SLC14A2: variants seen among roughly 807,000 people sequenced by gnomAD.
SLC14A2 encodes urea transporter 2.
Under a neutral mutation model 104.6 loss-of-function variants are expected in SLC14A2, and 91 were observed. The observed-to-expected ratio is 0.87, with a 90% confidence interval of 0.73 to 1.04. The LOEUF (loss-of-function observed/expected upper bound fraction) is 1.04, where lower values mean the gene tolerates loss of function less well. Among genes scored for constraint, SLC14A2 ranks in the 50% least tolerant of loss-of-function variants. The pLI is 0.00. For synonymous variants in SLC14A2, 476 were observed against 466.4 expected (o/e 1.02, Z -0.27); for missense variants, 1,189 against 1,156.0 (o/e 1.03, Z -0.41).
rs1895077 is a variant in SLC14A2, at chr18:45,443,765, G to T, written c.-124-39468G>T. Among the ~76,000 whole-genome samples the T allele has an allele frequency of 2.9e-3, 439 of 152,168 alleles. 1 individual carries two copies. Among genetic ancestry groups the T allele is most frequent in the Non-Finnish European group, 5.4e-3 (365 of 67,984 alleles). On this transcript the variant is annotated intron_variant, in intron 1 of 20. Coordinates refer to the SLC14A2 transcript ENST00000586448. ...CTTTTGCTTCTGAGGGATTTGTTTT[G>T]GGGTATGTTTTTCTGAGACCCTACA...
At chr18:45,474,016 T>C (rs1315094751) in intron 1 of SLC14A2, among the ~76,000 whole-genome samples, 3 of 152,252 alleles carry the variant, frequency 2.0e-5, no homozygotes, top group Non-Finnish European at 2.9e-5. Flanking sequence ...CTGTGGGTTT[T>C]TCATAAACAG....
intron 19 of SLC14A2, 41 bp from the exon 20 acceptor site, chr18:45,682,278 A>G: frequency 2.5e-6 from 4 of 1,581,390 alleles, no homozygotes; most frequent in Non-Finnish European, 3.5e-6. Context: ...ATGCACAGGC[A>G]CCTGATGTGA....
intron 10 of SLC14A2, among the ~76,000 whole-genome samples, chr18:45,652,840 G>T (rs1217724730): frequency 6.6e-6 from 1 of 152,128 alleles, no homozygotes; most frequent in Non-Finnish European, 1.5e-5. Context: ...TCTAGTGTTT[G>T]TGACAGATAC....
At chr18:45,402,517 C>T (rs1043340229) in intron 1 of SLC14A2, among the ~76,000 whole-genome samples, 1 of 152,212 alleles carries the variant, frequency 6.6e-6, no homozygotes, top group African/African-American at 2.4e-5. Flanking sequence ...AAGTGGGCCA[C>T]TTCTAGATAA....
rs546717100 is a variant in SLC14A2, at chr18:45,380,216, C to T, written c.-124-103017C>T. ...GAACCAGGGGCTAAATATCATAAGACCAACCATTACTAATTGTGTGACCAT... is the reference window on the plus strand; with the variant it reads ...GAACCAGGGGCTAAATATCATAAGATCAACCATTACTAATTGTGTGACCAT... On this transcript the variant is annotated intron_variant, in intron 1 of 20. Transcript: ENST00000586448. Among the ~76,000 whole-genome samples the T allele has an allele frequency of 3.3e-5, 5 of 152,238 alleles. No homozygotes were observed. The East Asian group carries it at 9.6e-4, about 29-fold the overall frequency.
upstream of SLC14A2, among the ~76,000 whole-genome samples, chr18:45,211,147 G>T (rs2083958028): frequency 6.6e-6 from 1 of 152,126 alleles, no homozygotes; most frequent in African/African-American, 2.4e-5. Flanking sequence ...GAGCTATTGT[G>T]ATTTCCATCC....
chr18:45,488,785 TG>T, intron 2 of SLC14A2, among the ~76,000 whole-genome samples: 1 of 152,340 alleles, frequency 6.6e-6, no homozygotes, highest in South Asian at 2.1e-4. Flanking sequence ...TCAATCTAAC[TG>T]AATGGTATCC....
intron 1 of SLC14A2, among the ~76,000 whole-genome samples, chr18:45,287,830 G>A (rs111570502): frequency 3.0e-4 from 46 of 151,922 alleles, no homozygotes; most frequent in African/African-American, 1.1e-3. Flanking sequence ...TGATACCAGC[G>A]GCTGTGGATG....
chr18:45,198,966 T>C, the SLC14A2 span, among the ~76,000 whole-genome samples: 1 of 152,178 alleles, frequency 6.6e-6, no homozygotes, highest in East Asian at 1.9e-4. Flanking sequence ...TTCTTCTGGA[T>C]TTAATTTTTT....
the SLC14A2 span, among the ~76,000 whole-genome samples, chr18:45,194,015 TA>T: frequency 9.2e-3 from 1,398 of 152,332 alleles, 31 homozygotes; most frequent in African/African-American, 0.032. Context: ...TATTATTTGG[TA>T]ATAGATAGAA....
intron 1 of SLC14A2, among the ~76,000 whole-genome samples, chr18:45,371,430 A>G (rs547833415): frequency 1.3e-5 from 2 of 152,350 alleles, no homozygotes; most frequent in African/African-American, 4.8e-5. Context: ...AAAATAGCTG[A>G]TATGTATTGA....
At chr18:45,551,944 A>C (rs760873128) in intron 2 of SLC14A2, among the ~76,000 whole-genome samples, 2 of 152,246 alleles carry the variant, frequency 1.3e-5, no homozygotes, top group Non-Finnish European at 2.9e-5. Context: ...CATAGTATTC[A>C]TAAGAGTTTA....
At chr18:45,354,782 T>C (rs1429415863) in intron 1 of SLC14A2, among the ~76,000 whole-genome samples, 1 of 152,220 alleles carries the variant, frequency 6.6e-6, no homozygotes, top group East Asian at 1.9e-4. Flanking sequence ...ACTCTCCATG[T>C]AGCCTACTGG....
chr18:45,423,723 A>G (rs890399208), intron 1 of SLC14A2: 1 of 152,254 alleles, frequency 6.6e-6, no homozygotes, highest in Non-Finnish European at 1.5e-5. Context: ...GACATCCAGC[A>G]TATCTAGTCA....
chr18:45,406,777 TTGAG>T (rs1195611577), intron 1 of SLC14A2, among the ~76,000 whole-genome samples: 1 of 152,230 alleles, frequency 6.6e-6, no homozygotes, highest in East Asian at 1.9e-4. Flanking sequence ...ATCAGAGTTC[TTGAG>T]TGACTAGATA....
At chr18:45,538,833 G>T (rs976065305) in intron 2 of SLC14A2, among the ~76,000 whole-genome samples, 14 of 147,622 alleles carry the variant, frequency 9.5e-5, no homozygotes, top group Admixed American at 2.0e-4. Context: ...ATGACCAAAG[G>T]TCCTTCTCCC....
intron 1 of SLC14A2, among the ~76,000 whole-genome samples, chr18:45,418,808 C>A (rs1204659966): frequency 6.6e-6 from 1 of 151,990 alleles, no homozygotes; most frequent in African/African-American, 2.4e-5. Context: ...ACCTCTAATC[C>A]CTGTTCAACT....
At chr18:45,640,846 C>T (rs1420894680) in intron 7 of SLC14A2, among the ~76,000 whole-genome samples, 1 of 152,120 alleles carries the variant, frequency 6.6e-6, no homozygotes, top group Non-Finnish European at 1.5e-5. Flanking sequence ...GCACTTGAAA[C>T]AACTTTTAAA....
At chr18:45,479,061 C>G (rs981936857) in intron 1 of SLC14A2, among the ~76,000 whole-genome samples, 3 of 152,180 alleles carry the variant, frequency 2.0e-5, no homozygotes, top group Admixed American at 2.0e-4. Flanking sequence ...CTTTCAGCAT[C>G]TACCTGCCCT....
Sources: allele counts gnomAD v4.1 joint callset (sites outside exome capture counted in the v4.1 genomes callset), GRCh38; gene constraint gnomAD v4.1.1; transcripts MANE v1.5; gene names NCBI Gene and HGNC (gene_info 2026-07-23, HGNC 2026-07-21).